The following CORIN variants were observed in gnomAD, a reference collection of about 807,000 sequenced individuals.
The protein encoded by CORIN is atrial natriuretic peptide-converting enzyme.
Under a neutral mutation model 125.3 loss-of-function variants are expected in CORIN, and 117 were observed. The ratio of observed to expected loss-of-function variants is 0.93; its 90% CI spans 0.80 to 1.09. The LOEUF (loss-of-function observed/expected upper bound fraction) is 1.09. Ranked by LOEUF, CORIN falls within the 50% of genes least tolerant of loss-of-function variation. The probability of loss-of-function intolerance (pLI) is 0.00; values close to 1 mark genes in which losing one functional copy is unlikely to be tolerated. For synonymous variants in CORIN, 450 were observed against 466.4 expected, an observed-to-expected ratio of 0.96 and a Z score of 0.45; for missense variants, 1,253 against 1,306.7, an observed-to-expected ratio of 0.96 and a Z score of 0.63.
In CORIN at chr4:47,763,318, C is replaced by T. The variant is rs1729555318; in HGVS notation, c.617+61G>A. ...GGGAGTCATTTGGATAATTTTTTTT[C>T]TCCTAGGACACTTCTGCTATAACCA... On this transcript the variant is annotated intron_variant, in intron 4 of 21. Transcript: ENST00000273857. The T allele has an allele frequency of 2.2e-6, 3 of 1,356,810 alleles. No homozygotes were observed. The East Asian group carries it at 7.3e-5, about 33-fold the overall frequency. 84.0% of individuals were successfully genotyped at this position (1,356,810 alleles called of 1,614,324 possible).
chr4:47,653,210 C>CT (rs2109642834), intron 13 of CORIN, among the ~76,000 whole-genome samples: 1 of 152,280 alleles, frequency 6.6e-6, no homozygotes, highest in South Asian at 2.1e-4. Context: ...TAAACTCTAT[C>CT]ATAGGTACAT....
At chr4:47,793,928 A>G (rs1037006349) in intron 2 of CORIN, among the ~76,000 whole-genome samples, 5 of 152,186 alleles carry the variant, frequency 3.3e-5, no homozygotes, top group Non-Finnish European at 7.3e-5. Flanking sequence ...CTGCTCGTCC[A>G]TGGGCCACAC....
At chr4:47,815,330 T>C (rs2109965022) in intron 1 of CORIN, among the ~76,000 whole-genome samples, 1 of 152,296 alleles carries the variant, frequency 6.6e-6, no homozygotes, top group South Asian at 2.1e-4. Context: ...TAACACATAG[T>C]TCAGAGCTTG....
At chr4:47,629,454 T>C (rs1722719731) in intron 16 of CORIN, among the ~76,000 whole-genome samples, 1 of 152,222 alleles carries the variant, frequency 6.6e-6, no homozygotes, top group East Asian at 1.9e-4. Context: ...TCATTGGATA[T>C]ATGGTTTTTT....
chr4:47,602,266 G>A (rs1721478546), intron 20 of CORIN, among the ~76,000 whole-genome samples: 3 of 152,102 alleles, frequency 2.0e-5, no homozygotes, highest in Non-Finnish European at 2.9e-5. Flanking sequence ...GTGAGACTCC[G>A]TCTCAAAAAC....
At chr4:47,814,504 TAAGA>T (rs1732182924) in intron 1 of CORIN, among the ~76,000 whole-genome samples, 1 of 152,168 alleles carries the variant, frequency 6.6e-6, no homozygotes, top group Non-Finnish European at 1.5e-5. Context: ...ACTCTGTTCT[TAAGA>T]AATTATGAAA....
intron 5 of CORIN, among the ~76,000 whole-genome samples, chr4:47,700,332 G>C (rs567016186): frequency 6.6e-6 from 1 of 152,264 alleles, no homozygotes; most frequent in African/African-American, 2.4e-5. Context: ...AGTGACACCT[G>C]GACCCACAAA....
intron 5 of CORIN, among the ~76,000 whole-genome samples, chr4:47,742,127 T>A (rs1321756063): frequency 6.6e-6 from 1 of 151,938 alleles, no homozygotes; most frequent in African/African-American, 2.4e-5. Context: ...TAATACATCA[T>A]CTTAATAGAT....
At chr4:47,762,125 T>C (rs1390385190) in intron 4 of CORIN, among the ~76,000 whole-genome samples, 2 of 152,168 alleles carry the variant, frequency 1.3e-5, no homozygotes, top group African/African-American at 4.8e-5. Flanking sequence ...TTTGTATGTA[T>C]ATGTGTATGT....
rs3749584 is a variant in CORIN at position 47,595,637 on chromosome 4, C to G, written c.*84G>C. On this transcript the variant is annotated 3_prime_UTR_variant, in exon 22 of 22. Transcript: ENST00000273857. ...TCTGTCCATGAAAAGTGCTTCTGTA[C>G]AGCTCTCTGCAGGCAGCTCTTCACA... is the stretch of plus-strand genomic sequence containing the variant. The G allele has an allele frequency of 0.092, 99,064 of 1,072,792 alleles. 4,929 individuals are homozygous for G. The highest frequency in any genetic ancestry group is 0.16 in the East Asian group (6,593 of 41,146). The allele number at this position is 1,072,792 out of a possible 1,614,324, so 66.5% of individuals were successfully genotyped here.
chr4:47,710,462 C>A (rs35812624), intron 5 of CORIN, among the ~76,000 whole-genome samples: 14,980 of 152,308 alleles, frequency 0.098, 871 homozygotes, highest in East Asian at 0.27. Flanking sequence ...ATAACGTCTA[C>A]TTCCTGATGT....
intron 13 of CORIN, 66 bp downstream of exon 13, chr4:47,653,487 C>T: frequency 1.5e-6 from 2 of 1,311,140 alleles, no homozygotes; most frequent in Non-Finnish European, 2.2e-6. Context: ...CCATTTTTAA[C>T]ACAGTTTCTT....
intron 6 of CORIN, among the ~76,000 whole-genome samples, chr4:47,684,593 C>G (rs960524022): frequency 6.6e-6 from 1 of 152,026 alleles, no homozygotes; most frequent in Non-Finnish European, 1.5e-5. Flanking sequence ...GAAATTGGGA[C>G]AAAATCAGCC....
At chr4:47,653,726 A>T in intron 12 of CORIN, 66 bp from the exon 13 acceptor site, 5 of 1,363,386 alleles carry the variant, frequency 3.7e-6, no homozygotes, top group Non-Finnish European at 5.2e-6. Flanking sequence ...TTATGTATTT[A>T]CATGTAGGAT....
At chr4:47,602,644 C>T (rs1721491501) in intron 20 of CORIN, among the ~76,000 whole-genome samples, 1 of 152,018 alleles carries the variant, frequency 6.6e-6, no homozygotes, top group Admixed American at 6.6e-5. Flanking sequence ...TCTCCTCCTG[C>T]CACAAGGAAG....
At chr4:47,677,618 G>A (rs1725083722) in intron 9 of CORIN, among the ~76,000 whole-genome samples, 1 of 152,110 alleles carries the variant, frequency 6.6e-6, no homozygotes, top group Non-Finnish European at 1.5e-5. Flanking sequence ...CTTCTCACTG[G>A]AATCTAATCT....
At chr4:47,706,108 T>C (rs2109767961) in intron 5 of CORIN, among the ~76,000 whole-genome samples, 1 of 152,366 alleles carries the variant, frequency 6.6e-6, no homozygotes, top group Non-Finnish European at 1.5e-5. Flanking sequence ...ACATTTTTAC[T>C]ACTAATTTGT....
intron 19 of CORIN, among the ~76,000 whole-genome samples, chr4:47,622,252 T>A (rs557932916): frequency 6.6e-6 from 1 of 152,020 alleles, no homozygotes; most frequent in African/African-American, 2.4e-5. Context: ...TCTATCATTG[T>A]TGGACATTTG....
intron 19 of CORIN, among the ~76,000 whole-genome samples, chr4:47,603,897 A>G (rs531866134): frequency 6.6e-5 from 10 of 152,372 alleles, no homozygotes; most frequent in Admixed American, 2.0e-4. Context: ...AGTCTTTAAC[A>G]TAAAACTTCT....
Sources: gnomAD v4.1 joint callset for allele counts (sites outside exome capture counted in the v4.1 genomes callset) on GRCh38, gnomAD v4.1.1 for gene constraint, MANE v1.5 for transcripts, NCBI Gene and HGNC (gene_info 2026-07-23, HGNC 2026-07-21) for gene names.